Variants in EXD1 observed in about 807,000 individuals in gnomAD.
EXD1 encodes piRNA biogenesis protein EXD1.
EXD1 carries 63 observed loss-of-function variants against 49.1 expected under a neutral mutation model. The observed-to-expected ratio is 1.28, with a 90% CI of 1.05 to 1.58. EXD1 has a LOEUF of 1.58. Ranked by LOEUF, EXD1 falls within the 40% of genes most tolerant of loss-of-function variation. EXD1 has a pLI of 0.00. For missense variants in EXD1, 748 were observed against 666.0 expected (o/e 1.12, Z -1.36); for synonymous variants, 234 against 239.2 (o/e 0.98, Z 0.20).
At chr15:41,199,618 TTG>T (rs1012165851) in intron 7 of EXD1, among the ~76,000 whole-genome samples, 49 of 142,534 alleles carry the variant, frequency 3.4e-4, no homozygotes, top group African/African-American at 1.1e-3. Flanking sequence ...ATTATATATA[TTG>T]TGTTAGGTGT....
intron 11 of EXD1, among the ~76,000 whole-genome samples, chr15:41,188,442 G>C (rs1474851871): frequency 1.3e-5 from 2 of 151,734 alleles, no homozygotes; most frequent in Middle Eastern, 3.4e-3. Flanking sequence ...ACCCAGGCTG[G>C]AGTGCAGTGG....
At chr15:41,209,656 G>T in intron 6 of EXD1, 69 bp from the exon 7 acceptor site, 5 of 1,327,606 alleles carry the variant, frequency 3.8e-6, no homozygotes, top group Non-Finnish European at 4.3e-6. Context: ...ATCATGATTG[G>T]CACAAATACA....
rs558050994 is a variant in EXD1, at chr15:41,186,664, A to C, written c.1057-2071T>G. Reference sequence around the variant, plus strand: ...GTATAGGAGAGGATATGATAGTGAAAAATGAAAAAATGCTGCTGCACATTT... The same window carrying C: ...GTATAGGAGAGGATATGATAGTGAACAATGAAAAAATGCTGCTGCACATTT... On this transcript the variant is annotated intron_variant, in intron 11 of 11. Coordinates refer to ENST00000458580, the MANE Select transcript of EXD1 (RefSeq NM_001286441.2). Among the ~76,000 whole-genome samples the C allele has an allele frequency of 4.6e-5, 7 of 152,118 alleles. No homozygotes were observed. In the South Asian group the frequency reaches 1.5e-3, roughly 32 times the overall value.
At chr15:41,186,467 T>C (rs917832111) in intron 11 of EXD1, among the ~76,000 whole-genome samples, 6 of 33,808 alleles carry the variant, frequency 1.8e-4, no homozygotes, top group African/African-American at 3.5e-4. Flanking sequence ...CAAGACTCTG[T>C]CTCAAAAAAA....
chr15:41,183,978 A>T lies in EXD1; in HGVS notation c.1672T>A (p.Leu558Met). 1 of 1,612,428 alleles carries T rather than the reference A, an allele frequency of 6.2e-7. No homozygotes were observed. Among genetic ancestry groups the T allele is most frequent in the Non-Finnish European group, 8.5e-7 (1 of 1,179,142 alleles). Residue 558 changes from leucine to methionine, a missense_variant, in exon 12 of 12, where the codon TTG becomes ATG. Physicochemically the swap from Leu to Met is conservative, Grantham distance 15. Coordinates refer to ENST00000458580, the MANE Select transcript of EXD1 (RefSeq NM_001286441.2). ...CTTATCCAGGAATCGATCTTCTCCAAGGCTGGACAGGGAGGGAGTGTGGAA... is the reference window on the plus strand; with the variant it reads ...CTTATCCAGGAATCGATCTTCTCCATGGCTGGACAGGGAGGGAGTGTGGAA... The part of the protein sequence containing the change: ...VVSTLPPCPA[L>M]EKIDSWISPF...
intron 11 of EXD1, among the ~76,000 whole-genome samples, chr15:41,189,412 C>G (rs963253414): frequency 2.0e-5 from 3 of 149,056 alleles, no homozygotes; most frequent in Non-Finnish European, 4.4e-5. Flanking sequence ...GCCTGTAATC[C>G]CAGCACTTTG....
At chr15:41,217,929 T>C (rs970434648) in intron 3 of EXD1, among the ~76,000 whole-genome samples, 49 of 152,194 alleles carry the variant, frequency 3.2e-4, no homozygotes, top group African/African-American at 1.2e-3. Context: ...AGAGAAAAGG[T>C]AAAATTGACT....
At chr15:41,184,699 G>T in intron 11 of EXD1, 106 bp from the exon 12 acceptor site, 7 of 1,194,634 alleles carry the variant, frequency 5.9e-6, no homozygotes, top group Non-Finnish European at 7.8e-6. Flanking sequence ...CTGTCGCCCA[G>T]GCTGAAGTGC....
intron 7 of EXD1, among the ~76,000 whole-genome samples, chr15:41,202,168 T>A (rs28524914): frequency 0.17 from 25,295 of 145,260 alleles, 2,735 homozygotes; most frequent in Non-Finnish European, 0.24. Context: ...ATATATATAT[T>A]TTTTTTAATT....
intron 9 of EXD1, among the ~76,000 whole-genome samples, chr15:41,192,453 T>C (rs543811502): frequency 1.8e-4 from 27 of 152,028 alleles, no homozygotes; most frequent in Admixed American, 2.0e-4. Context: ...TGTGCCACCA[T>C]GCCTGGCTAA....
chr15:41,227,776 G>A (rs2047185940), intron 1 of EXD1, among the ~76,000 whole-genome samples: 1 of 152,076 alleles, frequency 6.6e-6, no homozygotes, highest in Non-Finnish European at 1.5e-5. Context: ...ACCACTGGGT[G>A]CAGTGGCTTA....
intron 11 of EXD1, 66 bp from the exon 12 acceptor site, chr15:41,184,659 T>TTC: frequency 1.3e-6 from 1 of 792,974 alleles, no homozygotes; most frequent in Non-Finnish European, 1.6e-6. Context: ...TTAAAATCAC[T>TTC]TTTTTTTTTT....
intron 7 of EXD1, among the ~76,000 whole-genome samples, chr15:41,199,722 T>TAA (rs1555414678): frequency 3.2e-5 from 3 of 94,636 alleles, no homozygotes; most frequent in Non-Finnish European, 5.7e-5. Context: ...ATATGATATA[T>TAA]TATATATGAT....
intron 6 of EXD1, among the ~76,000 whole-genome samples, chr15:41,215,325 T>C (rs959923491): frequency 2.6e-5 from 4 of 152,128 alleles, no homozygotes; most frequent in Admixed American, 2.6e-4. Flanking sequence ...GTGCCTGGCA[T>C]ATAGGCATAT....
chr15:41,229,971 T>C (rs1383034718), intron 1 of EXD1, among the ~76,000 whole-genome samples: 1 of 152,150 alleles, frequency 6.6e-6, no homozygotes, highest in Non-Finnish European at 1.5e-5. Context: ...AATTCGGTTC[T>C]TCCTTATCTT....
At chr15:41,196,081 A>G in intron 7 of EXD1, 44 bp from the exon 8 acceptor site, 2 of 1,446,428 alleles carry the variant, frequency 1.4e-6, no homozygotes, top group Non-Finnish European at 1.9e-6. Flanking sequence ...GATAAGAAAG[A>G]ACTGAGGAAG....
At position 41,230,695 on chromosome 15, in the gene EXD1, C is replaced by T; in HGVS notation, c.-270G>A. The T allele has an allele frequency of 1.3e-6, 1 of 795,228 alleles. No homozygotes were observed. 49.3% of individuals were successfully genotyped at this position (795,228 alleles called of 1,614,324 possible). ...CAGGCTGAAAACCTGGAGAAAGGTC[C>T]GCGACGCCGGGGACACACGCCGCAG... On this transcript the variant is annotated 5_prime_UTR_variant, in exon 1 of 12. Coordinates refer to ENST00000458580, the MANE Select transcript of EXD1 (RefSeq NM_001286441.2).
chr15:41,188,698 CT>C (rs1050122211), intron 11 of EXD1, among the ~76,000 whole-genome samples: 3 of 151,088 alleles, frequency 2.0e-5, no homozygotes, highest in African/African-American at 7.3e-5. Context: ...GGCCCTGGCC[CT>C]TTTTTTTGAG....
At chr15:41,215,906 C>T in intron 5 of EXD1, 73 bp from the exon 6 acceptor site, 2 of 1,495,926 alleles carry the variant, frequency 1.3e-6, no homozygotes, top group Non-Finnish European at 1.9e-6. Flanking sequence ...TAATTTTGGC[C>T]ACACTCATAT....
Sources: gnomAD v4.1 joint callset for allele counts (sites outside exome capture counted in the v4.1 genomes callset) on GRCh38, gnomAD v4.1.1 for gene constraint, MANE v1.5 for transcripts, NCBI Gene and HGNC (gene_info 2026-07-23, HGNC 2026-07-21) for gene names.